FNIP2: variants seen among roughly 807,000 people sequenced by gnomAD.
The protein encoded by FNIP2 is folliculin interacting protein 2.
Under a neutral mutation model 108.7 loss-of-function variants are expected in FNIP2, and 32 were observed. That is an observed-to-expected ratio of 0.29 (90% confidence interval 0.22 to 0.40). The LOEUF is 0.40. Among genes scored for constraint, FNIP2 ranks in the 10% least tolerant of loss-of-function variants. The pLI, the probability that FNIP2 is intolerant of heterozygous loss-of-function variation, is 1.00. For synonymous variants in FNIP2, 480 were observed against 496.7 expected (o/e 0.97, Z 0.45); for missense variants, 1,202 against 1,381.6 (o/e 0.87, Z 2.06).
intron 1 of FNIP2, among the ~76,000 whole-genome samples, chr4:158,785,712 T>TTC (rs1776205440): frequency 6.8e-6 from 1 of 147,376 alleles, no homozygotes; most frequent in African/African-American, 2.5e-5. Flanking sequence ...CTTTCTTTCT[T>TTC]TTTTTTTTTT....
intron 16 of FNIP2, among the ~76,000 whole-genome samples, chr4:158,897,304 A>C (rs1001524307): frequency 6.6e-6 from 1 of 152,156 alleles, no homozygotes; most frequent in Non-Finnish European, 1.5e-5. Context: ...GTAAACATAC[A>C]TGTGCGTGTG....
intron 10 of FNIP2, among the ~76,000 whole-genome samples, chr4:158,860,062 G>A (rs1780194668): frequency 6.6e-6 from 1 of 152,210 alleles, no homozygotes. Context: ...TGCATGTCGG[G>A]AAGACATACA....
Position 158,895,831 on chromosome 4 carries a change from C to T in FNIP2, c.3232C>T (p.Arg1078Ter), listed in dbSNP as rs1184670897. 6.2e-7 allele frequency: 1 copy of T among 1,613,090 alleles called. No homozygotes were observed. The highest frequency in any genetic ancestry group is 8.5e-7 in the Non-Finnish European group (1 of 1,179,424). ...MLSEYLRGHT[R>*]VHVKELGVVL... ...ATCTGAATATCTCCGGGGACACACACGAGTCCATGTGAAAGAATTAGGTGT... is the reference window on the plus strand; with the variant it reads ...ATCTGAATATCTCCGGGGACACACATGAGTCCATGTGAAAGAATTAGGTGT... Residue 1078 changes from arginine to a stop codon, truncating the protein, a stop_gained, in exon 16 of 17, where the codon CGA (arginine) becomes TGA (stop). Coordinates refer to ENST00000264433, the MANE Select transcript of FNIP2 (RefSeq NM_020840.3). LOFTEE classifies it high-confidence loss of function.
Position 158,864,031 on chromosome 4 carries a change from TTTG to T in FNIP2, c.1465+2270_1465+2272del, listed in dbSNP as rs1182939847. On this transcript the variant is annotated intron_variant, in intron 12 of 16. Transcript: ENST00000264433. Reference sequence around the variant, plus strand: ...TTTCTCAGAAATCAAACCATGTATTTTTGTTGTTGTTGTTGTTTTTGAGACAGA... The same window carrying T: ...TTTCTCAGAAATCAAACCATGTATTTTTGTTGTTGTTGTTTTTGAGACAGA... 5.3e-5 allele frequency among the ~76,000 whole-genome samples: 8 copies of T among 152,258 alleles called. No homozygotes were observed. In the East Asian group the frequency reaches 5.8e-4, roughly 11 times the overall value.
intron 1 of FNIP2, among the ~76,000 whole-genome samples, chr4:158,799,844 A>G (rs1191207134): frequency 1.3e-5 from 2 of 152,206 alleles, no homozygotes; most frequent in African/African-American, 2.4e-5. Context: ...ATCATTCATA[A>G]GGAAAATAGG....
At chr4:158,769,403 G>A in intron 1 of FNIP2, 84 bp downstream of exon 1, 1 of 937,932 alleles carries the variant, frequency 1.1e-6, no homozygotes, top group Non-Finnish European at 1.5e-6. Flanking sequence ...TAGGGGAAAG[G>A]GAAGGGACTG....
At chr4:158,852,509 G>A (rs2126654327) in intron 8 of FNIP2, among the ~76,000 whole-genome samples, 1 of 152,338 alleles carries the variant, frequency 6.6e-6, no homozygotes, top group South Asian at 2.1e-4. Flanking sequence ...CTCACTAGAT[G>A]TCTGATAGAA....
chr4:158,817,168 GCAA>G (rs1354545665), intron 1 of FNIP2, among the ~76,000 whole-genome samples: 1 of 152,152 alleles, frequency 6.6e-6, no homozygotes, highest in East Asian at 1.9e-4. Context: ...ATTAATAACA[GCAA>G]CAACAACATC....
At chr4:158,901,154 A>G in intron 16 of FNIP2, among the ~76,000 whole-genome samples, 1 of 116,206 alleles carries the variant, frequency 8.6e-6, no homozygotes, top group African/African-American at 3.5e-5. Flanking sequence ...TTTTTTTGAG[A>G]CAGAGTCTTG....
At chr4:158,867,733 C>G (rs1057124765) in intron 12 of FNIP2, among the ~76,000 whole-genome samples, 1 of 152,228 alleles carries the variant, frequency 6.6e-6, no homozygotes, top group African/African-American at 2.4e-5. Flanking sequence ...TCTTATTATT[C>G]TAGTTTCCAA....
chr4:158,820,539 G>A (rs375549934), intron 1 of FNIP2, among the ~76,000 whole-genome samples: 1 of 152,158 alleles, frequency 6.6e-6, no homozygotes, highest in Non-Finnish European at 1.5e-5. Flanking sequence ...AGGTCAGATC[G>A]TGTCATTCTC....
At chr4:158,785,889 T>G (rs1422490395) in intron 1 of FNIP2, among the ~76,000 whole-genome samples, 1 of 152,204 alleles carries the variant, frequency 6.6e-6, no homozygotes, top group Non-Finnish European at 1.5e-5. Context: ...CATATCTGAT[T>G]TACTCAGCAT....
chr4:158,787,732 A>G (rs537487385), intron 1 of FNIP2, among the ~76,000 whole-genome samples: 21 of 152,122 alleles, frequency 1.4e-4, no homozygotes, highest in Non-Finnish European at 2.5e-4. Flanking sequence ...TGTTATTTTC[A>G]TTAGACTTTT....
chr4:158,815,629 G>T (rs895930061), intron 1 of FNIP2, among the ~76,000 whole-genome samples: 2 of 152,134 alleles, frequency 1.3e-5, no homozygotes, highest in African/African-American at 4.8e-5. Flanking sequence ...CTCCCAAAGT[G>T]CTGGGATTAG....
intron 14 of FNIP2, 96 bp downstream of exon 14, chr4:158,870,565 AG>A: frequency 6.9e-7 from 1 of 1,451,178 alleles, no homozygotes; most frequent in Non-Finnish European, 9.3e-7. Context: ...AGACTAGTTA[AG>A]GGGTTGTTTA....
At chr4:158,876,408 C>T (rs1000919824) in intron 14 of FNIP2, among the ~76,000 whole-genome samples, 2 of 152,152 alleles carry the variant, frequency 1.3e-5, no homozygotes, top group Admixed American at 1.3e-4. Context: ...ACACACATAC[C>T]CCTGTATCTC....
intron 1 of FNIP2, among the ~76,000 whole-genome samples, chr4:158,801,510 C>G (rs1776762536): frequency 6.6e-6 from 1 of 152,164 alleles, no homozygotes; most frequent in Non-Finnish European, 1.5e-5. Flanking sequence ...GGGCCTGCTC[C>G]TGAGCAAGGA....
chr4:158,886,864 A>G (rs1307067598), intron 14 of FNIP2, among the ~76,000 whole-genome samples: 1 of 152,230 alleles, frequency 6.6e-6, no homozygotes, highest in Non-Finnish European at 1.5e-5. Context: ...TAAAAAAGGT[A>G]ACTATACAAC....
At chr4:158,780,210 A>G (rs948183995) in intron 1 of FNIP2, among the ~76,000 whole-genome samples, 3 of 147,498 alleles carry the variant, frequency 2.0e-5, no homozygotes, top group African/African-American at 7.4e-5. Flanking sequence ...CCTGTCTCAG[A>G]AAAAAAAAAA....
Sources: allele counts gnomAD v4.1 joint callset (sites outside exome capture counted in the v4.1 genomes callset), GRCh38; gene constraint gnomAD v4.1.1; transcripts MANE v1.5; gene names NCBI Gene and HGNC (gene_info 2026-07-23, HGNC 2026-07-21).